Variants in TESK2 observed in about 807,000 individuals in gnomAD.
The protein encoded by TESK2 is dual specificity testis-specific protein kinase 2.
A neutral mutation model predicts 57.1 loss-of-function variants in TESK2; 39 were observed. The ratio of observed to expected loss-of-function variants is 0.68; its 90% CI spans 0.53 to 0.89. The LOEUF (loss-of-function observed/expected upper bound fraction) is 0.89, where lower values mean the gene tolerates loss of function less well. TESK2 is among the 40% of genes least tolerant of loss of function. The pLI is 0.00. For missense variants in TESK2, 646 were observed against 732.1 expected (o/e 0.88, Z 1.36); for synonymous variants, 249 against 267.9 (o/e 0.93, Z 0.69).
At chr1:45,453,000 C>G (rs1651929227) in intron 2 of TESK2, among the ~76,000 whole-genome samples, 1 of 151,574 alleles carries the variant, frequency 6.6e-6, no homozygotes, top group Non-Finnish European at 1.5e-5. Flanking sequence ...CAGCTATGAT[C>G]ACGCCACTGC....
intron 5 of TESK2, among the ~76,000 whole-genome samples, chr1:45,351,488 C>A (rs1008431659): frequency 6.6e-6 from 1 of 152,188 alleles, no homozygotes; most frequent in African/African-American, 2.4e-5. Flanking sequence ...TCAGGAGGCA[C>A]GTTGATAGGA....
intron 3 of TESK2, among the ~76,000 whole-genome samples, chr1:45,402,947 A>G (rs1649687420): frequency 6.6e-6 from 1 of 151,972 alleles, no homozygotes; most frequent in Admixed American, 6.6e-5. Context: ...CAAAGATACC[A>G]TCATTTCTTG....
At chr1:45,449,505 T>C (rs1490518614) in intron 2 of TESK2, among the ~76,000 whole-genome samples, 5 of 152,160 alleles carry the variant, frequency 3.3e-5, no homozygotes, top group African/African-American at 1.2e-4. Flanking sequence ...GGGATATTAT[T>C]CAGTGCTAAA....
At chr1:45,348,979 A>G (rs528527336) in intron 5 of TESK2, among the ~76,000 whole-genome samples, 14 of 152,058 alleles carry the variant, frequency 9.2e-5, no homozygotes, top group African/African-American at 2.7e-4. Context: ...GCTCTCCCCA[A>G]ATAGCTGCTT....
chr1:45,351,164 A>G (rs1242258377), intron 5 of TESK2, among the ~76,000 whole-genome samples: 1 of 152,266 alleles, frequency 6.6e-6, no homozygotes, highest in African/African-American at 2.4e-5. Flanking sequence ...GAAGCAAACT[A>G]CTTTCTCAGC....
At chr1:45,480,725 C>T (rs1209989559) in intron 1 of TESK2, among the ~76,000 whole-genome samples, 1 of 151,500 alleles carries the variant, frequency 6.6e-6, no homozygotes, top group East Asian at 1.9e-4. Flanking sequence ...CAGTGGCTCA[C>T]ACTTGTAATC....
chr1:45,458,115 T>C lies in TESK2; in HGVS notation c.-86-244A>G, dbSNP rs117613001. 2.0e-4 allele frequency among the ~76,000 whole-genome samples: 30 copies of C among 152,328 alleles called. No individual in the cohort carries two copies. In the East Asian group the frequency reaches 5.6e-3, roughly 28 times the overall value. On this transcript the variant is annotated intron_variant, in intron 1 of 10. Coordinates refer to ENST00000372086, the MANE Select transcript of TESK2 (RefSeq NM_007170.3). ...TACATTCTAAGTAACAAAATAACAA[T>C]GATAATATCTATCATTCATTGAGCA... is the stretch of plus-strand genomic sequence containing the variant.
At chr1:45,362,142 C>CTAGA (rs929827243) in intron 4 of TESK2, among the ~76,000 whole-genome samples, 2 of 152,182 alleles carry the variant, frequency 1.3e-5, no homozygotes, top group African/African-American at 4.8e-5. Flanking sequence ...CTGCCTGTGC[C>CTAGA]TAGATCTTAG....
chr1:45,385,581 T>C (rs1453279724), intron 4 of TESK2, among the ~76,000 whole-genome samples: 1 of 152,042 alleles, frequency 6.6e-6, no homozygotes, highest in Non-Finnish European at 1.5e-5. Flanking sequence ...GCTAACTTAA[T>C]ACTTTAATAC....
At chr1:45,377,736 T>C (rs1648490345) in intron 4 of TESK2, among the ~76,000 whole-genome samples, 1 of 144,112 alleles carries the variant, frequency 6.9e-6, no homozygotes, top group African/African-American at 2.5e-5. Context: ...AGGATTCTAA[T>C]AATGATAAGG....
rs1053498586 is a variant in TESK2, at chr1:45,344,672, C to T, written c.*168G>A. ...AACTAGGAAGGCCTCTCACTGCTGC[C>T]TCCCGTCATACACAGCCAATGGGCA... On this transcript the variant is annotated 3_prime_UTR_variant, in exon 11 of 11. Coordinates refer to ENST00000372086, the MANE Select transcript of TESK2 (RefSeq NM_007170.3). 5 of 637,652 alleles carry T rather than the reference C, an allele frequency of 7.8e-6. No individual in the cohort carries two copies. Among genetic ancestry groups the T allele is most frequent in the South Asian group, 4.0e-5 (2 of 49,388 alleles). The allele number at this position is 637,652 out of a possible 1,614,324, so 39.5% of individuals were successfully genotyped here.
At chr1:45,424,284 T>C (rs1299943343) in intron 2 of TESK2, among the ~76,000 whole-genome samples, 1 of 152,098 alleles carries the variant, frequency 6.6e-6, no homozygotes, top group African/African-American at 2.4e-5. Context: ...ATTCAAACAG[T>C]GTTTCAGAGA....
chr1:45,481,087 CG>C (rs1361136866), intron 1 of TESK2, among the ~76,000 whole-genome samples: 1 of 149,154 alleles, frequency 6.7e-6, no homozygotes, highest in Non-Finnish European at 1.5e-5. Context: ...AATAAGCGGC[CG>C]GGCCTGGTGG....
chr1:45,447,117 T>A (rs1481065400), intron 2 of TESK2, among the ~76,000 whole-genome samples: 11 of 152,136 alleles, frequency 7.2e-5, no homozygotes, highest in Admixed American at 7.2e-4. Context: ...CTCAGGAGGC[T>A]GAAGCAAGAA....
chr1:45,374,931 C>T (rs1255352864), intron 4 of TESK2, among the ~76,000 whole-genome samples: 1 of 152,204 alleles, frequency 6.6e-6, no homozygotes, highest in Non-Finnish European at 1.5e-5. Context: ...GCCAATGCAT[C>T]AGGAAAGCCT....
rs140184002 is a variant in TESK2, at chr1:45,446,744, C to T, written c.222+10820G>A. 5.6e-4 allele frequency among the ~76,000 whole-genome samples: 86 copies of T among 152,232 alleles called. No individual in the cohort carries two copies. In the East Asian group the frequency reaches 0.013, roughly 23 times the overall value. On this transcript the variant is annotated intron_variant, in intron 2 of 10. Coordinates refer to ENST00000372086, the MANE Select transcript of TESK2 (RefSeq NM_007170.3). ...TGCCCAGGGTAAAGCTATCAGCAGG[C>T]TTGGCAAATATACAAAGTCAAACTT...
chr1:45,467,636 GTTT>G (rs10579583), intron 1 of TESK2, among the ~76,000 whole-genome samples: 30,798 of 148,778 alleles, frequency 0.21, 3,436 homozygotes, highest in Non-Finnish European at 0.27. Flanking sequence ...GGCCTTCACA[GTTT>G]TTTTTTTTTT....
At chr1:45,418,708 T>C (rs770876470) in intron 3 of TESK2, among the ~76,000 whole-genome samples, 9 of 152,180 alleles carry the variant, frequency 5.9e-5, no homozygotes, top group Non-Finnish European at 1.0e-4. Context: ...ATTGTCATTA[T>C]TAGCCAAATA....
chr1:45,436,181 CTTTTTTTT>C (rs1170732475), intron 2 of TESK2, among the ~76,000 whole-genome samples: 12 of 56,604 alleles, frequency 2.1e-4, no homozygotes, highest in Non-Finnish European at 3.3e-4. Context: ...TTGGTATCTT[CTTTTTTTT>C]TTTTTTTTTT....
Sources: allele counts gnomAD v4.1 joint callset (sites outside exome capture counted in the v4.1 genomes callset), GRCh38; gene constraint gnomAD v4.1.1; transcripts MANE v1.5; gene names NCBI Gene and HGNC (gene_info 2026-07-23, HGNC 2026-07-21).